The following PHF20 variants were observed in gnomAD, a reference collection of about 807,000 sequenced individuals.
PHF20 encodes PHD finger protein 20.
Under a neutral mutation model 113.5 loss-of-function variants are expected in PHF20, and 23 were observed. That is an observed-to-expected ratio of 0.20 (90% confidence interval 0.15 to 0.29). PHF20 has a LOEUF of 0.29. Ranked by LOEUF, PHF20 falls within the 10% of genes least tolerant of loss-of-function variation. The probability of loss-of-function intolerance (pLI) is 1.00; values close to 1 mark genes in which losing one functional copy is unlikely to be tolerated. For missense variants in PHF20, 943 were observed against 1,219.6 expected (o/e 0.77, Z 3.38); for synonymous variants, 434 against 457.3 (o/e 0.95, Z 0.65).
intron 2 of PHF20, among the ~76,000 whole-genome samples, chr20:35,829,287 G>A (rs1031114508): frequency 2.6e-5 from 4 of 152,126 alleles, no homozygotes; most frequent in Non-Finnish European, 4.4e-5. Context: ...GTTCTGTAGC[G>A]TTAAATACAT....
At chr20:35,791,471 ATCTATCTATCTATCT>A (rs1164963786) in intron 1 of PHF20, among the ~76,000 whole-genome samples, 1 of 133,350 alleles carries the variant, frequency 7.5e-6, no homozygotes, top group Non-Finnish European at 1.6e-5. Context: ...CTATCTATCT[ATCTATCTATCTATCT>A]ATCTATCTAT....
chr20:35,912,035 C>T (rs1395185792), intron 10 of PHF20, among the ~76,000 whole-genome samples: 4 of 149,746 alleles, frequency 2.7e-5, no homozygotes, highest in Non-Finnish European at 3.0e-5. Context: ...GGCTGGAGTG[C>T]AATGACATGA....
At chr20:35,863,771 C>T (rs1204376743) in intron 6 of PHF20, among the ~76,000 whole-genome samples, 5 of 152,086 alleles carry the variant, frequency 3.3e-5, no homozygotes, top group Middle Eastern at 6.8e-3. Context: ...ATGAGACAGA[C>T]ATGAAAGAAA....
Position 35,781,743 on chromosome 20 carries a change from G to A in PHF20, c.-33+9664G>A, listed in dbSNP as rs190603312. On this transcript the variant is annotated intron_variant, in intron 1 of 17. Coordinates refer to ENST00000374012, the MANE Select transcript of PHF20 (RefSeq NM_016436.5). ...GTAGATCACTTGAGGTCAGGAGTTC[G>A]AGGCCAGCCTGGCCATCATGGCAAA... Among the ~76,000 whole-genome samples the A allele has an allele frequency of 1.2e-4, 18 of 152,152 alleles. No individual in the cohort carries two copies. In the East Asian group the frequency reaches 3.1e-3, roughly 26 times the overall value.
intron 1 of PHF20, among the ~76,000 whole-genome samples, chr20:35,788,677 A>G (rs913099408): frequency 1.3e-5 from 2 of 151,956 alleles, no homozygotes; most frequent in East Asian, 3.9e-4. Context: ...TCCCATGTTC[A>G]AGCGTTTCTC....
At chr20:35,812,332 T>C (rs995883010) in intron 2 of PHF20, among the ~76,000 whole-genome samples, 5 of 152,172 alleles carry the variant, frequency 3.3e-5, no homozygotes, top group African/African-American at 1.2e-4. Flanking sequence ...CATGATAATC[T>C]TTCTTCTTCC....
intron 2 of PHF20, among the ~76,000 whole-genome samples, chr20:35,833,760 TA>T (rs892528326): frequency 2.0e-5 from 3 of 151,602 alleles, no homozygotes; most frequent in Non-Finnish European, 4.4e-5. Flanking sequence ...AATGAAGGGT[TA>T]AAAAAAATAA....
intron 2 of PHF20, among the ~76,000 whole-genome samples, chr20:35,816,049 G>T (rs1357463073): frequency 6.6e-6 from 1 of 151,710 alleles, no homozygotes; most frequent in East Asian, 1.9e-4. Context: ...CTCCATCTCC[G>T]GGGTTCAAGT....
intron 13 of PHF20, among the ~76,000 whole-genome samples, chr20:35,927,306 T>G (rs1274345389): frequency 6.6e-6 from 1 of 152,248 alleles, no homozygotes; most frequent in East Asian, 1.9e-4. Context: ...ATAGTATTAA[T>G]AGTAGCTTAT....
chr20:35,888,603 C>T (rs2054782762), intron 9 of PHF20, among the ~76,000 whole-genome samples: 1 of 152,102 alleles, frequency 6.6e-6, no homozygotes, highest in South Asian at 2.1e-4. Context: ...CACTTTTGAA[C>T]CAGCAACTTT....
intron 3 of PHF20, among the ~76,000 whole-genome samples, chr20:35,846,020 C>T (rs1396524731): frequency 6.6e-6 from 1 of 152,102 alleles, no homozygotes; most frequent in African/African-American, 2.4e-5. Flanking sequence ...CTTCCCCAGC[C>T]TCCCAAAGTG....
In PHF20 at chr20:35,842,761, G is replaced by A. The variant is rs550738233; in HGVS notation, c.255+17G>A. ...GGATCTTCTGTGAGTAACAAATCTG[G>A]GAAGTTCTGTAGTATGCAAGGTCAG... is the stretch of plus-strand genomic sequence containing the variant. On this transcript the variant is annotated intron_variant, in intron 3 of 17. Coordinates refer to ENST00000374012, the MANE Select transcript of PHF20 (RefSeq NM_016436.5). 25 of 1,610,868 alleles carry A rather than the reference G, an allele frequency of 1.6e-5. No homozygotes were observed. The South Asian group carries it at 2.4e-4, about 16-fold the overall frequency.
At chr20:35,944,408 A>G (rs2056048785) in intron 17 of PHF20, among the ~76,000 whole-genome samples, 1 of 151,992 alleles carries the variant, frequency 6.6e-6, no homozygotes, top group African/African-American at 2.4e-5. Flanking sequence ...TAGTATCGGG[A>G]TGTCTTTGGT....
At position 35,863,305 on chromosome 20, in the gene PHF20, A is replaced by T; in HGVS notation, c.713A>T (p.Asp238Val). 6.2e-7 allele frequency: 1 copy of T among 1,614,158 alleles called. No individual in the cohort carries two copies. Among genetic ancestry groups the T allele is most frequent in the Non-Finnish European group, 8.5e-7 (1 of 1,180,026 alleles). Reference sequence around the variant, plus strand: ...GAGTATTCTGGAGATGCCCAAGTGGATAAGAAACCTGAAAATGACATTGTG... The same window carrying T: ...GAGTATTCTGGAGATGCCCAAGTGGTTAAGAAACCTGAAAATGACATTGTG... ...DREYSGDAQV[D>V]KKPENDIVKS... Residue 238 changes from aspartate to valine, a missense_variant, in exon 6 of 18, where the codon GAT becomes GTT. By Grantham distance (152) the Asp-to-Val change is radical. This residue lies in a region of PHF20 where 592 missense variants were observed against 787.2 expected (regional missense o/e 0.75). Transcript: ENST00000374012.
At position 35,782,263 on chromosome 20, in the gene PHF20, TTTTTTTTTTCTTTTTTTC is replaced by T. The variant is rs1309628705; in HGVS notation, c.-33+10194_-33+10211del. On this transcript the variant is annotated intron_variant, in intron 1 of 17. Transcript: ENST00000374012. ...GGCCACTTTTCTTTTTCTTGTTTTG[TTTTTTTTTTCTTTTTTTC>T]TTTTTTTTTTCTTCTCTTTTTGAGA... 1.6e-3 allele frequency: 14 copies of T among 8,826 alleles called. No individual in the cohort carries two copies. In the Admixed American group the frequency reaches 0.021, roughly 14 times the overall value. The allele number at this position is 8,826 out of a possible 1,614,324, so 0.5% of individuals were successfully genotyped here.
chr20:35,937,620 C>G (rs749097520), intron 15 of PHF20, among the ~76,000 whole-genome samples: 14 of 152,246 alleles, frequency 9.2e-5, no homozygotes, highest in Non-Finnish European at 1.9e-4. Context: ...AAAAAGGTGC[C>G]AGACTCTTCC....
chr20:35,901,004 C>A (rs1265308731), intron 10 of PHF20, among the ~76,000 whole-genome samples: 1 of 152,056 alleles, frequency 6.6e-6, no homozygotes, highest in Non-Finnish European at 1.5e-5. Flanking sequence ...AGGGAGTCTT[C>A]TAGGGCTCCG....
At chr20:35,795,456 C>T (rs866183671) in intron 1 of PHF20, among the ~76,000 whole-genome samples, 1 of 151,870 alleles carries the variant, frequency 6.6e-6, no homozygotes, top group Non-Finnish European at 1.5e-5. Context: ...AGGCTGGTCT[C>T]GAACTCCTGA....
At chr20:35,810,320 G>T (rs1055448032) in intron 2 of PHF20, among the ~76,000 whole-genome samples, 1 of 152,116 alleles carries the variant, frequency 6.6e-6, no homozygotes, top group Non-Finnish European at 1.5e-5. Context: ...GTTCGGCAAG[G>T]TTTCCTCTGA....
Sources: gnomAD v4.1 joint callset for allele counts (sites outside exome capture counted in the v4.1 genomes callset) on GRCh38, gnomAD v4.1.1 for gene constraint, gnomAD v4.1.1 regional missense constraint, MANE v1.5 for transcripts, NCBI Gene and HGNC (gene_info 2026-07-23, HGNC 2026-07-21) for gene names.